The following ATP7A variants were observed in gnomAD, a reference collection of about 807,000 sequenced individuals.
The protein encoded by ATP7A is ATPase copper transporting alpha.
Under a neutral mutation model 83.5 loss-of-function variants are expected in ATP7A, and 7 were observed. The observed-to-expected ratio is 0.08, with a 90% CI of 0.05 to 0.16. The LOEUF (loss-of-function observed/expected upper bound fraction) is 0.16. ATP7A is among the 10% of genes least tolerant of loss of function. The pLI, the probability that ATP7A is intolerant of heterozygous loss-of-function variation, is 1.00. For synonymous variants in ATP7A, 354 were observed against 395.2 expected (o/e 0.90, Z 1.24); for missense variants, 940 against 1,120.8 (o/e 0.84, Z 2.30).
At chrX:78,019,608 C>T (rs1279732238) in intron 12 of ATP7A, among the ~76,000 whole-genome samples, 2 of 111,196 alleles carry the variant, frequency 1.8e-5, no homozygotes, top group African/African-American at 6.6e-5. Context: ...CCTGGGACTA[C>T]AGGCGCATGC....
intron 1 of ATP7A, among the ~76,000 whole-genome samples, chrX:77,944,828 A>G (rs781837558): frequency 7.5e-5 from 8 of 106,961 alleles, no homozygotes; most frequent in Non-Finnish European, 9.6e-5. Context: ...GTATGTATGT[A>G]TGTGTGTATT....
chrX:77,920,256 C>T (rs1557222962), intron 1 of ATP7A, among the ~76,000 whole-genome samples: 1 of 107,569 alleles, frequency 9.3e-6, no homozygotes, highest in Non-Finnish European at 1.9e-5. Flanking sequence ...CGCTCTGTCG[C>T]CCAGGCTGGA....
intron 9 of ATP7A, 116 bp downstream of exon 9, chrX:78,011,790 G>A (rs2077828331): frequency 1.4e-6 from 1 of 709,862 alleles, no homozygotes; most frequent in South Asian, 2.1e-5. Context: ...ATCATTTTAT[G>A]CCATATGCTT....
At position 78,046,742 on chromosome X, in the gene ATP7A, C is replaced by A. The variant is rs2078085840; in HGVS notation, c.*172C>A. 1 of 611,816 alleles carries A rather than the reference C, an allele frequency of 1.6e-6. No individual in the cohort carries two copies. The highest frequency in any genetic ancestry group is 2.2e-5 in the African/African-American group (1 of 45,537). The allele number at this position is 611,816 out of a possible 1,213,427, so 50.4% of individuals were successfully genotyped here. On this transcript the variant is annotated 3_prime_UTR_variant, in exon 23 of 23. Coordinates refer to ENST00000341514, the MANE Select transcript of ATP7A (RefSeq NM_000052.7). The stretch of plus-strand genomic sequence containing the variant: ...AAAAATATCTTTTTCAAGGCATCAG[C>A]TCTGAACCTAGCTTTATTTAAACTG...
chrX:78,009,247 T>G lies in ATP7A; in HGVS notation c.1853T>G (p.Ile618Ser), dbSNP rs2077800213. The G allele has an allele frequency of 8.3e-7, 1 of 1,207,654 alleles. No individual in the cohort carries two copies. Among genetic ancestry groups the G allele is most frequent in the Admixed American group, 2.2e-5 (1 of 45,482 alleles). The change falls in exon 7 of 23, where the codon ATT becomes AGT. Residue 618 changes from isoleucine (I) to serine (S), a missense_variant. Ile to Ser is a moderately radical substitution (Grantham distance 142). Transcript: ENST00000341514. ...YDPEIIGPRD[I>S]IHTIESLGFE... ...CCAGAAATTATTGGTCCTAGAGATATTATCCATACAATTGAAGTAAGTGCC... is the reference window on the plus strand; with the variant it reads ...CCAGAAATTATTGGTCCTAGAGATAGTATCCATACAATTGAAGTAAGTGCC...
At chrX:78,030,063 C>T (rs1479362558) in intron 15 of ATP7A, among the ~76,000 whole-genome samples, 1 of 112,143 alleles carries the variant, frequency 8.9e-6, no homozygotes, top group Non-Finnish European at 1.9e-5. Context: ...TGGAAACTCA[C>T]CTCGCCAGAG....
chrX:77,951,767 A>G (rs2077414802), intron 1 of ATP7A, among the ~76,000 whole-genome samples: 1 of 111,360 alleles, frequency 9.0e-6, no homozygotes, highest in Non-Finnish European at 1.9e-5. Flanking sequence ...TTTTTAGTAG[A>G]GACGGGTTTC....
At chrX:77,923,710 A>C (rs935918687) in intron 1 of ATP7A, 1 of 110,475 alleles carries the variant, frequency 9.1e-6, no homozygotes, top group Non-Finnish European at 1.9e-5. Context: ...TTAGACAGAA[A>C]TAGTTTTTAG....
intron 19 of ATP7A, among the ~76,000 whole-genome samples, chrX:78,040,937 A>C (rs1260855073): frequency 8.9e-6 from 1 of 111,830 alleles, no homozygotes; most frequent in Non-Finnish European, 1.9e-5. Context: ...GTATTTGCTT[A>C]GTTCATGGGA....
At chrX:77,945,592 C>T (rs2077375047) in intron 1 of ATP7A, among the ~76,000 whole-genome samples, 1 of 111,890 alleles carries the variant, frequency 8.9e-6, no homozygotes, top group Non-Finnish European at 1.9e-5. Context: ...GTTTATAGGC[C>T]AGAGTCCCTG....
At chrX:78,033,294 G>A (rs2077993723) in intron 16 of ATP7A, among the ~76,000 whole-genome samples, 1 of 111,965 alleles carries the variant, frequency 8.9e-6, no homozygotes, top group Admixed American at 9.4e-5. Context: ...TTTTAGTAGA[G>A]ACAGGGTTTC....
rs2077660045 is a variant in ATP7A at position 77,989,888 on chromosome X, T to C, written c.1266T>C (p.Asp422=). The change falls in exon 4 of 23, where the codon GAT becomes GAC. Residue 422 remains aspartate (D), a synonymous_variant. Transcript: ENST00000341514. ...ATAGCAATGGGACTGTTGAGTATGA[T>C]CCTCTACTAACCTCTCCAGAAACGT... The part of the protein sequence containing the change: ...LANSNGTVEY[D]PLLTSPETLR... 1 of 1,208,617 alleles carries C rather than the reference T, an allele frequency of 8.3e-7. No individual in the cohort carries two copies.
Position 77,918,066 on chromosome X carries a change from CT to C in ATP7A, c.-22+7249del, listed in dbSNP as rs1311945353. ...AACATTTGACAGTATTGTTCAGGCA[CT>C]TTTTTTTTTTTTTTTTTGAGACAGG... On this transcript the variant is annotated intron_variant, in intron 1 of 22. Transcript: ENST00000341514. Among the ~76,000 whole-genome samples the C allele has an allele frequency of 5.3e-3, 480 of 90,555 alleles. 1 individual carries two copies. The highest frequency in any genetic ancestry group is 7.9e-3 in the African/African-American group (198 of 25,059). The allele number at this position is 90,555 out of a possible 115,157, so 78.6% of individuals were successfully genotyped here.
intron 1 of ATP7A, among the ~76,000 whole-genome samples, chrX:77,911,667 C>T (rs1487065001): frequency 1.8e-5 from 2 of 109,535 alleles, no homozygotes; most frequent in Non-Finnish European, 3.8e-5. Flanking sequence ...GTAGGCTGGG[C>T]GCAGTGTCTG....
At chrX:78,011,755 A>G (rs782794938) in intron 9 of ATP7A, 81 bp downstream of exon 9, 3 of 889,042 alleles carry the variant, frequency 3.4e-6, no homozygotes, top group Middle Eastern at 2.7e-4. Flanking sequence ...TTTCAGCTAC[A>G]AAACTGATGT....
At position 78,011,215 on chromosome X, in the gene ATP7A, T is replaced by G. The variant is rs1308442670; in HGVS notation, c.1909T>G (p.Ser637Ala). ...AGCTTCTTTGGTCAAGAAGGATCGG[T>G]CAGCAAGTCACTTAGATCATAAACG... The part of the protein sequence containing the change: ...FEASLVKKDR[S>A]ASHLDHKREI... The change falls in exon 8 of 23, where the codon TCA becomes GCA. Residue 637 changes from serine (S) to alanine (A), a missense_variant. Transcript: ENST00000341514. 4.1e-6 allele frequency: 5 copies of G among 1,208,821 alleles called. No homozygotes were observed. In the African/African-American group the frequency reaches 8.8e-5, roughly 21 times the overall value.
chrX:77,930,656 C>A (rs782198917), intron 1 of ATP7A, among the ~76,000 whole-genome samples: 1 of 112,048 alleles, frequency 8.9e-6, no homozygotes, highest in East Asian at 2.8e-4. Context: ...TGACCTTGGG[C>A]AAGTTACTTA....
Position 78,040,591 on chromosome X carries a change from A to G in ATP7A, c.3659A>G (p.Asp1220Gly). The change falls in exon 19 of 23, where the codon GAT becomes GGT. Residue 1220 changes from aspartate (D) to glycine (G), a missense_variant and splice_region_variant. Asp to Gly is a moderately conservative substitution (Grantham distance 94). Coordinates refer to ENST00000341514, the MANE Select transcript of ATP7A (RefSeq NM_000052.7). ...GRTAVLVAVD[D>G]ELCGLIAIAD... ...TTATTTTGTGCTGCCCCTATATTAG[A>G]TGAGCTGTGTGGCTTGATAGCCATT... 1 of 1,210,767 alleles carries G rather than the reference A, an allele frequency of 8.3e-7. No individual in the cohort carries two copies. The highest frequency in any genetic ancestry group is 1.1e-6 in the Non-Finnish European group (1 of 894,543).
chrX:78,017,238 C>A (rs1603386398), intron 12 of ATP7A, among the ~76,000 whole-genome samples: 1 of 112,437 alleles, frequency 8.9e-6, no homozygotes, highest in Admixed American at 9.4e-5. Context: ...ACCTTGACCC[C>A]TTTTAGCCAT....
Sources: gnomAD v4.1 joint callset for allele counts (sites outside exome capture counted in the v4.1 genomes callset) on GRCh38, gnomAD v4.1.1 for gene constraint, MANE v1.5 for transcripts, NCBI Gene and HGNC (gene_info 2026-07-23, HGNC 2026-07-21) for gene names.